The following KCNQ3 variants were observed in gnomAD, a reference collection of about 807,000 sequenced individuals.
KCNQ3 encodes the protein potassium voltage-gated channel subfamily Q member 3, also known as potassium voltage-gated channel subfamily KQT member 3.
Under a neutral mutation model 92.5 loss-of-function variants are expected in KCNQ3, and 30 were observed. That is an observed-to-expected ratio of 0.32 (90% CI 0.24 to 0.44). KCNQ3 has a LOEUF of 0.44. KCNQ3 is among the 20% of genes least tolerant of loss of function. The probability of loss-of-function intolerance (pLI) is 1.00; values close to 1 mark genes in which losing one functional copy is unlikely to be tolerated. For synonymous variants in KCNQ3, 450 were observed against 468.8 expected, an observed-to-expected ratio of 0.96 and a Z score of 0.52; for missense variants, 913 against 1,140.3, an observed-to-expected ratio of 0.80 and a Z score of 2.87.
At position 132,186,477 on chromosome 8, in the gene KCNQ3, C is replaced by T. The variant is rs200394999; in HGVS notation, c.387-296G>A. 2.4e-4 allele frequency: 93 copies of T among 392,252 alleles called. 2 individuals are homozygous for T. Among genetic ancestry groups the T allele is most frequent in the East Asian group, 1.8e-3 (30 of 16,466 alleles). The allele number at this position is 392,252 out of a possible 1,614,324, so 24.3% of individuals were successfully genotyped here. A position where few individuals can be genotyped will look rare whatever the true frequency, so the allele number is the denominator to read the frequency against. Reference sequence around the variant, plus strand: ...AAACTAGATCATCTGGTTCCAACCTCGAGGACATTGCTGAAAGTCCAAAAG... The same window carrying T: ...AAACTAGATCATCTGGTTCCAACCTTGAGGACATTGCTGAAAGTCCAAAAG... On this transcript the variant is annotated intron_variant, in intron 1 of 14. Transcript: ENST00000388996.
chr8:132,448,052 C>T (rs1428541372), intron 1 of KCNQ3, among the ~76,000 whole-genome samples: 2 of 152,262 alleles, frequency 1.3e-5, no homozygotes, highest in African/African-American at 4.8e-5. Context: ...TACAAATGTG[C>T]CTGGAAAATG....
intron 1 of KCNQ3, among the ~76,000 whole-genome samples, chr8:132,219,208 T>G (rs1263983594): frequency 6.6e-6 from 1 of 152,190 alleles, no homozygotes; most frequent in Middle Eastern, 3.2e-3. Flanking sequence ...GGGACCTTGA[T>G]GAGTGCAGAT....
intron 6 of KCNQ3, among the ~76,000 whole-genome samples, chr8:132,173,377 A>G (rs1826446232): frequency 6.6e-6 from 1 of 152,222 alleles, no homozygotes; most frequent in Non-Finnish European, 1.5e-5. Context: ...AGGGCTGCAA[A>G]TAGAGAAAGA....
chr8:132,277,056 A>G (rs567796436), intron 1 of KCNQ3, among the ~76,000 whole-genome samples: 1 of 152,312 alleles, frequency 6.6e-6, no homozygotes, highest in South Asian at 2.1e-4. Flanking sequence ...TGGCAAAAAC[A>G]TAATAAACAA....
At chr8:132,259,061 T>C (rs1012067348) in intron 1 of KCNQ3, among the ~76,000 whole-genome samples, 1 of 152,082 alleles carries the variant, frequency 6.6e-6, no homozygotes, top group Non-Finnish European at 1.5e-5. Flanking sequence ...CCTTCACTAG[T>C]GATTTCTACC....
intron 1 of KCNQ3, among the ~76,000 whole-genome samples, chr8:132,330,408 C>G (rs1427618953): frequency 6.6e-6 from 1 of 152,028 alleles, no homozygotes; most frequent in Admixed American, 6.5e-5. Context: ...GCCATTTGCT[C>G]GAGGAAAACC....
chr8:132,334,887 C>G (rs1319708066), intron 1 of KCNQ3, among the ~76,000 whole-genome samples: 1 of 152,138 alleles, frequency 6.6e-6, no homozygotes, highest in Admixed American at 6.5e-5. Flanking sequence ...ACAACAGCCC[C>G]CACACTTCTG....
chr8:132,380,901 C>T (rs1819730774), intron 1 of KCNQ3, among the ~76,000 whole-genome samples: 1 of 141,556 alleles, frequency 7.1e-6, no homozygotes, highest in African/African-American at 2.7e-5. Context: ...GAACTAATAC[C>T]TTCTTTCTAC....
intron 1 of KCNQ3, among the ~76,000 whole-genome samples, chr8:132,382,166 C>A (rs1018564630): frequency 3.3e-5 from 5 of 152,206 alleles, no homozygotes; most frequent in African/African-American, 1.2e-4. Flanking sequence ...AATTTGCATG[C>A]TGACATGGTC....
Position 132,127,559 on chromosome 8 carries a change from G to C in KCNQ3, c.*1703C>G, listed in dbSNP as rs1380496009. ...CCAAATGTCTGCCATAGCTACTGTG[G>C]CTCTTGACAAGACTGTGAGGGAGAA... On this transcript the variant is annotated 3_prime_UTR_variant, in exon 15 of 15. Transcript: ENST00000388996. The C allele has an allele frequency of 6.6e-6, 1 of 152,192 alleles. No individual in the cohort carries two copies. The highest frequency in any genetic ancestry group is 6.5e-5 in the Admixed American group (1 of 15,278). 9.4% of individuals were successfully genotyped at this position (152,192 alleles called of 1,614,324 possible).
chr8:132,304,053 G>C (rs1817342399), intron 1 of KCNQ3, among the ~76,000 whole-genome samples: 1 of 151,980 alleles, frequency 6.6e-6, no homozygotes, highest in South Asian at 2.1e-4. Context: ...CTTAAAAACA[G>C]AAAGTCAAAT....
Position 132,125,678 on chromosome 8 carries a change from C to G in KCNQ3, c.*3584G>C, listed in dbSNP as rs1385172495. 1.3e-5 allele frequency: 2 copies of G among 152,286 alleles called. No individual in the cohort carries two copies. Among genetic ancestry groups the G allele is most frequent in the East Asian group, 3.9e-4 (2 of 5,180 alleles). The allele number at this position is 152,286 out of a possible 1,614,324, so 9.4% of individuals were successfully genotyped here. A position where few individuals can be genotyped will look rare whatever the true frequency, so the allele number is the denominator to read the frequency against. On this transcript the variant is annotated 3_prime_UTR_variant, in exon 15 of 15. Coordinates refer to ENST00000388996, the MANE Select transcript of KCNQ3 (RefSeq NM_004519.4). Reference sequence around the variant, plus strand: ...AAATTATTCTTTCAAACTACAGTGTCTAGGAAGTACCTTGCACAAAATAGA... The same window carrying G: ...AAATTATTCTTTCAAACTACAGTGTGTAGGAAGTACCTTGCACAAAATAGA...
intron 1 of KCNQ3, among the ~76,000 whole-genome samples, chr8:132,223,004 A>G (rs1019333534): frequency 6.6e-6 from 1 of 152,256 alleles, no homozygotes; most frequent in African/African-American, 2.4e-5. Context: ...TGTATCCATA[A>G]TCATTACTGG....
intron 1 of KCNQ3, among the ~76,000 whole-genome samples, chr8:132,211,277 A>G (rs1410740256): frequency 6.6e-6 from 1 of 152,212 alleles, no homozygotes; most frequent in African/African-American, 2.4e-5. Context: ...TCAGTAGAAA[A>G]CTGGACATTG....
intron 1 of KCNQ3, among the ~76,000 whole-genome samples, chr8:132,337,659 C>A (rs1005781285): frequency 2.0e-5 from 3 of 151,992 alleles, no homozygotes; most frequent in South Asian, 2.1e-4. Context: ...ATAAAAGACT[C>A]CTCAGACCCC....
chr8:132,216,520 G>GT (rs1741547332), intron 1 of KCNQ3, among the ~76,000 whole-genome samples: 1 of 152,220 alleles, frequency 6.6e-6, no homozygotes, highest in Non-Finnish European at 1.5e-5. Flanking sequence ...CCTCCCACCA[G>GT]TGGCACAATG....
At chr8:132,391,310 G>C (rs1323501454) in intron 1 of KCNQ3, among the ~76,000 whole-genome samples, 1 of 152,114 alleles carries the variant, frequency 6.6e-6, no homozygotes, top group African/African-American at 2.4e-5. Flanking sequence ...GGGTGACTTT[G>C]GCCAAGGCAT....
Position 132,456,802 on chromosome 8 carries a change from C to T in KCNQ3, c.386+23345G>A, listed in dbSNP as rs181866241. ...AATTTTCTTGTATTTTTAATAGAGACGGGGTTTCATCACATTGCTCAAGCT... is the reference window on the plus strand; with the variant it reads ...AATTTTCTTGTATTTTTAATAGAGATGGGGTTTCATCACATTGCTCAAGCT... On this transcript the variant is annotated intron_variant, in intron 1 of 14. Coordinates refer to ENST00000388996, the MANE Select transcript of KCNQ3 (RefSeq NM_004519.4). 2.7e-4 allele frequency among the ~76,000 whole-genome samples: 41 copies of T among 152,078 alleles called. No homozygotes were observed. The East Asian group carries it at 4.9e-3, about 18-fold the overall frequency.
intron 4 of KCNQ3, 78 bp downstream of exon 4, chr8:132,180,079 G>A (rs1362748688): frequency 4.7e-6 from 7 of 1,491,340 alleles, no homozygotes; most frequent in Admixed American, 1.7e-5. Flanking sequence ...TGGGGACACT[G>A]CAAAGGAAGG....
Sources: gnomAD v4.1 joint callset for allele counts (sites outside exome capture counted in the v4.1 genomes callset) on GRCh38, gnomAD v4.1.1 for gene constraint, MANE v1.5 for transcripts, NCBI Gene and HGNC (gene_info 2026-07-23, HGNC 2026-07-21) for gene names.